The following SYT1 variants were observed in gnomAD, a reference collection of about 807,000 sequenced individuals.
SYT1 encodes synaptotagmin-1.
A neutral mutation model predicts 44.8 loss-of-function variants in SYT1; 8 were observed. The ratio of observed to expected loss-of-function variants is 0.18; its 90% CI spans 0.10 to 0.32. The LOEUF is 0.32. Among genes scored for constraint, SYT1 ranks in the 10% least tolerant of loss-of-function variants. The probability of loss-of-function intolerance (pLI) is 1.00; values close to 1 mark genes in which losing one functional copy is unlikely to be tolerated. For missense variants in SYT1, 286 were observed against 509.3 expected (o/e 0.56, Z 4.22); for synonymous variants, 154 against 188.8 (o/e 0.82, Z 1.51).
At chr12:79,087,488 T>C (rs1877460980) in intron 3 of SYT1, among the ~76,000 whole-genome samples, 1 of 152,166 alleles carries the variant, frequency 6.6e-6, no homozygotes, top group African/African-American at 2.4e-5. Context: ...CTAACAAGCA[T>C]GTATTTGGCA....
intron 9 of SYT1, among the ~76,000 whole-genome samples, chr12:79,428,320 T>A (rs1869567984): frequency 6.6e-6 from 1 of 151,694 alleles, no homozygotes; most frequent in Admixed American, 6.6e-5. Flanking sequence ...GGGTGGAGAG[T>A]CTTCAAGTCC....
At chr12:79,075,466 T>C (rs1319183176) in intron 3 of SYT1, among the ~76,000 whole-genome samples, 1 of 152,170 alleles carries the variant, frequency 6.6e-6, no homozygotes, top group Non-Finnish European at 1.5e-5. Context: ...TTTCCTGATA[T>C]AAGGAAATAG....
chr12:78,941,111 G>A (rs1878343258), intron 1 of SYT1, among the ~76,000 whole-genome samples: 1 of 136,222 alleles, frequency 7.3e-6, no homozygotes, highest in African/African-American at 2.7e-5. Flanking sequence ...TGTCGCCCAG[G>A]TGGAGTGCAG....
chr12:79,310,828 G>C (rs1880744497), intron 8 of SYT1, among the ~76,000 whole-genome samples: 1 of 152,164 alleles, frequency 6.6e-6, no homozygotes, highest in African/African-American at 2.4e-5. Flanking sequence ...TCTGTTATTG[G>C]TGTATAAGAA....
In SYT1 at chr12:79,308,524, A is replaced by AAG. The variant is rs1565901118; in HGVS notation, c.810+8973_810+8974insAG. ...AAACTCCGTCAAAAGAAAGAAAGAA[A>AAG]GAAGAAATAAAGAAAGAAAGAAAGA... On this transcript the variant is annotated intron_variant, in intron 8 of 10. Transcript: ENST00000261205. 1.9e-3 allele frequency among the ~76,000 whole-genome samples: 270 copies of AAG among 144,356 alleles called. 1 individual carries two copies. Among genetic ancestry groups the AAG allele is most frequent in the African/African-American group, 6.8e-3 (259 of 38,362 alleles). 94.7% of individuals were successfully genotyped at this position (144,356 alleles called of 152,430 possible).
chr12:79,090,107 A>G (rs1361879590), intron 3 of SYT1, among the ~76,000 whole-genome samples: 1 of 152,046 alleles, frequency 6.6e-6, no homozygotes, highest in Non-Finnish European at 1.5e-5. Flanking sequence ...GAGCTTATTT[A>G]CTATACCTCC....
chr12:79,000,598 C>T (rs1037017279), intron 2 of SYT1, among the ~76,000 whole-genome samples: 13 of 152,092 alleles, frequency 8.5e-5, no homozygotes, highest in African/African-American at 2.9e-4. Flanking sequence ...TGTGCATGGC[C>T]ACCTTAACTT....
chr12:79,060,759 A>G (rs572370475), intron 3 of SYT1, among the ~76,000 whole-genome samples: 1 of 152,174 alleles, frequency 6.6e-6, no homozygotes, highest in South Asian at 2.1e-4. Context: ...TCTTTTTGCC[A>G]ATTCTTTGAT....
chr12:78,942,164 C>G (rs971537416), intron 1 of SYT1, among the ~76,000 whole-genome samples: 6 of 152,150 alleles, frequency 3.9e-5, no homozygotes, highest in African/African-American at 1.4e-4. Flanking sequence ...TTATTAAAAT[C>G]TCTCTCTCCA....
intron 2 of SYT1, among the ~76,000 whole-genome samples, chr12:78,999,522 C>A (rs1230599447): frequency 6.6e-6 from 1 of 152,144 alleles, no homozygotes; most frequent in Non-Finnish European, 1.5e-5. Context: ...CTTTTCTTTT[C>A]TAATCCCTCC....
Position 78,877,733 on chromosome 12 carries a change from A to T in SYT1, c.-217+12624A>T, listed in dbSNP as rs563629638. Among the ~76,000 whole-genome samples the T allele has an allele frequency of 2.0e-5, 3 of 151,658 alleles. No homozygotes were observed. In the South Asian group the frequency reaches 6.2e-4, roughly 31 times the overall value. ...ATTCAGGTTGGAGAGCAAGCACATG[A>T]TCCTCCCAACTCAGCTACCTGAGTA... On this transcript the variant is annotated intron_variant, in intron 1 of 10. Coordinates refer to ENST00000261205, the MANE Select transcript of SYT1 (RefSeq NM_005639.3).
intron 1 of SYT1, among the ~76,000 whole-genome samples, chr12:78,877,195 G>A (rs933238759): frequency 2.6e-5 from 4 of 151,134 alleles, no homozygotes; most frequent in African/African-American, 7.3e-5. Context: ...GGGTGGGGAG[G>A]CCTCAAAATC....
chr12:79,101,025 G>A (rs541565137), intron 3 of SYT1, among the ~76,000 whole-genome samples: 106 of 152,002 alleles, frequency 7.0e-4, no homozygotes, highest in Non-Finnish European at 1.3e-3. Context: ...TATACATAAT[G>A]AAATAAATAA....
At position 78,925,818 on chromosome 12, in the gene SYT1, G is replaced by A. The variant is rs866857283; in HGVS notation, c.-216-51981G>A. Among the ~76,000 whole-genome samples, 6 of 151,910 alleles carry A rather than the reference G, an allele frequency of 3.9e-5. 1 individual carries two copies. The Middle Eastern group carries it at 0.014, about 344-fold the overall frequency. On this transcript the variant is annotated intron_variant, in intron 1 of 10. Coordinates refer to ENST00000261205, the MANE Select transcript of SYT1 (RefSeq NM_005639.3). The stretch of plus-strand genomic sequence containing the variant: ...TTTCTCAATGTATGAAACCAAATAA[G>A]AATGCACATATGTGAACAAAACTCT...
At chr12:79,117,864 G>C (rs762705467) in intron 3 of SYT1, among the ~76,000 whole-genome samples, 1 of 151,026 alleles carries the variant, frequency 6.6e-6, no homozygotes, top group Non-Finnish European at 1.5e-5. Flanking sequence ...ATAATTCTTA[G>C]GGTAACACCT....
intron 4 of SYT1, among the ~76,000 whole-genome samples, chr12:79,255,218 A>G (rs1877446601): frequency 6.6e-6 from 1 of 152,150 alleles, no homozygotes; most frequent in South Asian, 2.1e-4. Flanking sequence ...AACTTTAGCA[A>G]CCACCACCCT....
chr12:79,005,924 C>T (rs936614032), intron 2 of SYT1, among the ~76,000 whole-genome samples: 1 of 152,110 alleles, frequency 6.6e-6, no homozygotes, highest in African/African-American at 2.4e-5. Flanking sequence ...GAATCAGATA[C>T]CCAAAGGAGT....
intron 9 of SYT1, among the ~76,000 whole-genome samples, chr12:79,381,124 G>C (rs912367957): frequency 6.6e-6 from 1 of 152,124 alleles, no homozygotes; most frequent in African/African-American, 2.4e-5. Flanking sequence ...CTAGGATTTA[G>C]TAGTTTTTAT....
chr12:78,918,727 A>G (rs937285586), intron 1 of SYT1, among the ~76,000 whole-genome samples: 1 of 152,068 alleles, frequency 6.6e-6, no homozygotes, highest in African/African-American at 2.4e-5. Context: ...TTCCTCGTAG[A>G]GTGACTTATA....
Sources: gnomAD v4.1 joint callset for allele counts (sites outside exome capture counted in the v4.1 genomes callset) on GRCh38, gnomAD v4.1.1 for gene constraint, MANE v1.5 for transcripts, NCBI Gene and HGNC (gene_info 2026-07-23, HGNC 2026-07-21) for gene names.